CSMD1: variants seen among roughly 807,000 people sequenced by gnomAD.
The protein encoded by CSMD1 is CUB and Sushi multiple domains 1.
A neutral mutation model predicts 417.5 loss-of-function variants in CSMD1; 213 were observed. The ratio of observed to expected loss-of-function variants is 0.51; its 90% CI spans 0.46 to 0.57. CSMD1 has a LOEUF of 0.57. Ranked by LOEUF, CSMD1 falls within the 20% of genes least tolerant of loss-of-function variation. The pLI is 0.00. For missense variants in CSMD1, 6,923 were observed against 4,529.7 expected, an observed-to-expected ratio of 1.53 and a Z score of -15.17; for synonymous variants, 2,862 against 1,736.8, an observed-to-expected ratio of 1.65 and a Z score of -16.11.
chr8:4,154,403 G>C (rs538538659), intron 3 of CSMD1, among the ~76,000 whole-genome samples: 33 of 152,318 alleles, frequency 2.2e-4, no homozygotes, highest in African/African-American at 7.2e-4. Flanking sequence ...TATAAGTATA[G>C]ACAAAGGCAT....
chr8:3,468,785 C>T lies in CSMD1; in HGVS notation c.1488G>A (p.Met496Ile), dbSNP rs1307255109. The change falls in exon 12 of 70, where the codon ATG (methionine) becomes ATA (isoleucine). Residue 496 changes from methionine to isoleucine, a missense_variant. Transcript: ENST00000635120. The part of the protein sequence containing the change: ...GSSVPDLIVS[M>I]SNQMWLHLQS... ...GCAGATGTAGCCACATCTGGTTGCTCATGCTCACAATGAGGTCAGGAACAC... is the reference window on the plus strand; with the variant it reads ...GCAGATGTAGCCACATCTGGTTGCTTATGCTCACAATGAGGTCAGGAACAC... The T allele has an allele frequency of 1.2e-6, 2 of 1,604,898 alleles. No individual in the cohort carries two copies. Among genetic ancestry groups the T allele is most frequent in the Non-Finnish European group, 1.7e-6 (2 of 1,175,844 alleles).
chr8:4,730,423 A>G (rs1809767219), intron 1 of CSMD1, among the ~76,000 whole-genome samples: 1 of 152,156 alleles, frequency 6.6e-6, no homozygotes, highest in Non-Finnish European at 1.5e-5. Context: ...AGGTGGGGTC[A>G]TTCAAAGAAT....
chr8:3,210,002 A>C (rs765465012), intron 30 of CSMD1, among the ~76,000 whole-genome samples: 2 of 152,206 alleles, frequency 1.3e-5, no homozygotes, highest in African/African-American at 2.4e-5. Context: ...AATAAGCAAA[A>C]TTTGTAGGTA....
chr8:4,675,064 T>A (rs1018035667), intron 1 of CSMD1, among the ~76,000 whole-genome samples: 1 of 152,208 alleles, frequency 6.6e-6, no homozygotes, highest in Non-Finnish European at 1.5e-5. Flanking sequence ...GCTCCAGAAC[T>A]GCGAGGAATA....
At chr8:3,108,384 G>A (rs1816285666) in intron 44 of CSMD1, among the ~76,000 whole-genome samples, 2 of 152,098 alleles carry the variant, frequency 1.3e-5, no homozygotes, top group Admixed American at 1.3e-4. Flanking sequence ...TAGGATACAT[G>A]TATCTTGGAA....
chr8:4,136,834 T>G (rs184040884), intron 3 of CSMD1, among the ~76,000 whole-genome samples: 2 of 152,320 alleles, frequency 1.3e-5, no homozygotes, highest in African/African-American at 4.8e-5. Context: ...TCCAAATGTT[T>G]GACAAACTCT....
intron 23 of CSMD1, among the ~76,000 whole-genome samples, chr8:3,312,853 TACTTTATCC>T (rs1266083134): frequency 1.3e-5 from 2 of 152,198 alleles, no homozygotes; most frequent in Non-Finnish European, 2.9e-5. Flanking sequence ...CCTAGGCTGT[TACTTTATCC>T]ACATTCGTTA....
intron 3 of CSMD1, among the ~76,000 whole-genome samples, chr8:4,052,203 G>C (rs544734154): frequency 1.3e-5 from 2 of 152,232 alleles, no homozygotes; most frequent in South Asian, 4.2e-4. Flanking sequence ...GGGGTTACAG[G>C]CATGAGCCAC....
intron 4 of CSMD1, among the ~76,000 whole-genome samples, chr8:4,002,977 A>C (rs1815810442): frequency 6.6e-6 from 1 of 152,164 alleles, no homozygotes; most frequent in Non-Finnish European, 1.5e-5. Flanking sequence ...TTATAAGTAA[A>C]CCAATCTACC....
Position 3,153,343 on chromosome 8 carries a change from C to T in CSMD1, c.5915-1830G>A, listed in dbSNP as rs554420371. On this transcript the variant is annotated intron_variant, in intron 39 of 69. Transcript: ENST00000635120. Reference sequence around the variant, plus strand: ...ATAAAAATGGGCAACCAGCAGCCCTCGGGGCTGCTCTGTCTATGGAGTAAC... The same window carrying T: ...ATAAAAATGGGCAACCAGCAGCCCTTGGGGCTGCTCTGTCTATGGAGTAAC... Among the ~76,000 whole-genome samples, 13 of 152,302 alleles carry T rather than the reference C, an allele frequency of 8.5e-5. No homozygotes were observed. In the East Asian group the frequency reaches 1.9e-3, roughly 23 times the overall value.
chr8:4,853,405 G>C (rs1460733582), intron 1 of CSMD1, among the ~76,000 whole-genome samples: 1 of 152,202 alleles, frequency 6.6e-6, no homozygotes, highest in Non-Finnish European at 1.5e-5. Flanking sequence ...AGCTCATATT[G>C]CTGCTTCAGA....
intron 11 of CSMD1, among the ~76,000 whole-genome samples, chr8:3,471,841 A>G (rs901736443): frequency 1.3e-5 from 2 of 152,154 alleles, no homozygotes; most frequent in African/African-American, 4.8e-5. Flanking sequence ...CTGTTTTAAT[A>G]TTACACAGTT....
chr8:3,780,222 G>A (rs1799103216), intron 5 of CSMD1, among the ~76,000 whole-genome samples: 1 of 152,112 alleles, frequency 6.6e-6, no homozygotes, highest in South Asian at 2.1e-4. Flanking sequence ...TAAGTACACT[G>A]GCATTAATCA....
intron 3 of CSMD1, among the ~76,000 whole-genome samples, chr8:4,419,595 T>G (rs1797134481): frequency 6.6e-6 from 1 of 152,200 alleles, no homozygotes; most frequent in Non-Finnish European, 1.5e-5. Context: ...TCAGTATAAT[T>G]GTCCAACCAA....
chr8:4,794,120 C>T (rs904152922), intron 1 of CSMD1, among the ~76,000 whole-genome samples: 11 of 152,172 alleles, frequency 7.2e-5, no homozygotes, highest in Admixed American at 3.3e-4. Flanking sequence ...ACTGTTCCCT[C>T]ATATAATGCT....
chr8:4,712,328 A>G (rs1808359199), intron 1 of CSMD1, among the ~76,000 whole-genome samples: 1 of 152,214 alleles, frequency 6.6e-6, no homozygotes, highest in Non-Finnish European at 1.5e-5. Flanking sequence ...ACTTCCAACC[A>G]CGCATTTCCA....
intron 23 of CSMD1, 92 bp from the exon 24 acceptor site, chr8:3,308,595 C>T (rs567096730): frequency 7.0e-6 from 7 of 995,204 alleles, no homozygotes; most frequent in African/African-American, 1.6e-5. Context: ...CTAAATGCTC[C>T]TTGAAGGGTA....
At chr8:3,877,930 A>C (rs907951584) in intron 5 of CSMD1, among the ~76,000 whole-genome samples, 3 of 152,022 alleles carry the variant, frequency 2.0e-5, no homozygotes, top group African/African-American at 7.2e-5. Context: ...CGTGGCCATG[A>C]CCTAAAGCTT....
At chr8:3,821,842 G>C (rs147472651) in intron 5 of CSMD1, among the ~76,000 whole-genome samples, 31 of 152,240 alleles carry the variant, frequency 2.0e-4, no homozygotes, top group Admixed American at 5.9e-4. Context: ...AACAAAGTTA[G>C]TCATGGCAAG....
Sources: gnomAD v4.1 joint callset for allele counts (sites outside exome capture counted in the v4.1 genomes callset) on GRCh38, gnomAD v4.1.1 for gene constraint, MANE v1.5 for transcripts, NCBI Gene and HGNC (gene_info 2026-07-23, HGNC 2026-07-21) for gene names.